The following ZDHHC9 variants were observed in gnomAD, a reference collection of about 807,000 sequenced individuals.
ZDHHC9 encodes the protein zDHHC palmitoyltransferase 9.
Under a neutral mutation model 26.6 loss-of-function variants are expected in ZDHHC9, and 3 were observed. The ratio of observed to expected loss-of-function variants is 0.11; its 90% CI spans 0.05 to 0.29. The LOEUF (loss-of-function observed/expected upper bound fraction) is 0.29, where lower values mean the gene tolerates loss of function less well. Among genes scored for constraint, ZDHHC9 ranks in the 10% least tolerant of loss-of-function variants. The pLI, the probability that ZDHHC9 is intolerant of heterozygous loss-of-function variation, is 1.00. For synonymous variants in ZDHHC9, 111 were observed against 109.4 expected, an observed-to-expected ratio of 1.01 and a Z score of -0.09; for missense variants, 146 against 296.4, an observed-to-expected ratio of 0.49 and a Z score of 3.73.
At chrX:129,823,986 C>T in intron 4 of ZDHHC9, 149 bp from the exon 5 acceptor site, 1 of 513,852 alleles carries the variant, frequency 1.9e-6, no homozygotes, top group Non-Finnish European at 3.4e-6. Flanking sequence ...ACAGAATATG[C>T]CCATAAAACT....
intron 8 of ZDHHC9, 133 bp downstream of exon 8, chrX:129,812,585 C>A: frequency 1.8e-6 from 1 of 569,657 alleles, no homozygotes; most frequent in Non-Finnish European, 3.1e-6. Context: ...TCTGACTTAA[C>A]AACCTCGCAT....
At chrX:129,825,977 T>C (rs1298133778) in intron 4 of ZDHHC9, among the ~76,000 whole-genome samples, 3 of 112,091 alleles carry the variant, frequency 2.7e-5, no homozygotes, top group African/African-American at 9.7e-5. Flanking sequence ...ACAGACCGTA[T>C]GAATTTGCAT....
Position 129,842,100 on chromosome X carries a change from G to GAAAAAAAAA in ZDHHC9, c.-135-29_-135-21dup. The GAAAAAAAAA allele has an allele frequency of 3.2e-6, 2 of 619,222 alleles. No homozygotes were observed. Among genetic ancestry groups the GAAAAAAAAA allele is most frequent in the Non-Finnish European group, 4.9e-6 (2 of 404,632 alleles). The allele number at this position is 619,222 out of a possible 1,213,427, so 51.0% of individuals were successfully genotyped here. On this transcript the variant is annotated intron_variant, in intron 2 of 10. Coordinates refer to ENST00000357166, the MANE Select transcript of ZDHHC9 (RefSeq NM_016032.4). The stretch of plus-strand genomic sequence containing the variant: ...CTAGCCCTAAGAAAAAGCAGAAAAA[G>GAAAAAAAAA]AAAAAAAAATGAGGCAATAATAAGA...
At chrX:129,811,549 T>A in intron 8 of ZDHHC9, 40 bp from the exon 9 acceptor site, 1 of 948,908 alleles carries the variant, frequency 1.1e-6, no homozygotes, top group Non-Finnish European at 1.5e-6. Flanking sequence ...AAAATAATGT[T>A]AAAATGAACA....
chrX:129,821,639 G>A (rs1046329923), intron 5 of ZDHHC9, among the ~76,000 whole-genome samples: 12 of 108,364 alleles, frequency 1.1e-4, no homozygotes, highest in Admixed American at 5.9e-4. Flanking sequence ...AATGGGTTTC[G>A]ACAGCCGGGT....
intron 5 of ZDHHC9, among the ~76,000 whole-genome samples, chrX:129,817,470 G>A (rs1316099230): frequency 2.7e-5 from 3 of 110,506 alleles, no homozygotes; most frequent in Non-Finnish European, 5.7e-5. Context: ...AATCTATTAT[G>A]GTAAAATATA....
intron 3 of ZDHHC9, among the ~76,000 whole-genome samples, chrX:129,832,784 A>AAAATAAAT (rs58029912): frequency 0.059 from 5,948 of 100,161 alleles, 508 homozygotes; most frequent in East Asian, 0.37. Context: ...CTCCGTCTCA[A>AAAATAAAT]AAATAAATAA....
At chrX:129,806,581 C>T (rs2124096389) in intron 10 of ZDHHC9, 95 bp from the exon 11 acceptor site, 2 of 707,602 alleles carry the variant, frequency 2.8e-6, no homozygotes, top group Non-Finnish European at 2.2e-6. Flanking sequence ...TCTCAGCCCC[C>T]TGATCACACT....
At chrX:129,835,878 A>C (rs997668718) in intron 3 of ZDHHC9, among the ~76,000 whole-genome samples, 1 of 112,904 alleles carries the variant, frequency 8.9e-6, no homozygotes, top group Non-Finnish European at 1.9e-5. Context: ...CTCAAGGAAC[A>C]TACTTCATCA....
At chrX:129,837,200 G>A (rs1428871167) in intron 3 of ZDHHC9, among the ~76,000 whole-genome samples, 2 of 111,735 alleles carry the variant, frequency 1.8e-5, no homozygotes, top group Non-Finnish European at 3.8e-5. Context: ...CATCTAGAAT[G>A]TTTTAATTCA....
intron 5 of ZDHHC9, 151 bp downstream of exon 5, chrX:129,823,528 A>G: frequency 1.6e-6 from 1 of 615,262 alleles, no homozygotes; most frequent in South Asian, 2.7e-5. Context: ...GCAGTTTTTC[A>G]GGAGCTTGTT....
At chrX:129,810,221 C>T (rs780758048) in intron 10 of ZDHHC9, among the ~76,000 whole-genome samples, 42 of 103,259 alleles carry the variant, frequency 4.1e-4, no homozygotes, top group Non-Finnish European at 7.9e-4. Flanking sequence ...TGGTGGCGGG[C>T]GCCTGTAATC....
intron 10 of ZDHHC9, 22 bp from the exon 11 acceptor site, chrX:129,806,508 A>T (rs767257871): frequency 1.7e-6 from 2 of 1,160,395 alleles, no homozygotes; most frequent in African/African-American, 3.6e-5. Flanking sequence ...AAGATATGAG[A>T]TTCAACACAA....
chrX:129,835,601 G>A (rs1460293211), intron 3 of ZDHHC9, among the ~76,000 whole-genome samples: 1 of 110,955 alleles, frequency 9.0e-6, no homozygotes, highest in Admixed American at 9.6e-5. Context: ...TGGCCAACAC[G>A]GAGAAACTCT....
At chrX:129,840,617 C>G (rs1397914002) in intron 3 of ZDHHC9, among the ~76,000 whole-genome samples, 1 of 111,336 alleles carries the variant, frequency 9.0e-6, no homozygotes, top group Non-Finnish European at 1.9e-5. Flanking sequence ...GCGGCAGCAG[C>G]AAAAGGACCT....
intron 3 of ZDHHC9, 55 bp from the exon 4 acceptor site, chrX:129,829,196 AAT>A: frequency 8.6e-7 from 1 of 1,159,521 alleles, no homozygotes. Context: ...ATTGATCTCC[AAT>A]TGTTACCAGT....
intron 4 of ZDHHC9, among the ~76,000 whole-genome samples, chrX:129,825,369 C>T (rs190344312): frequency 2.7e-5 from 3 of 111,717 alleles, no homozygotes; most frequent in East Asian, 5.6e-4. Context: ...TATTTTTTGG[C>T]GTATTTCCTT....
At chrX:129,815,718 G>A (rs1455668105) in intron 5 of ZDHHC9, among the ~76,000 whole-genome samples, 3 of 110,836 alleles carry the variant, frequency 2.7e-5, no homozygotes, top group African/African-American at 9.8e-5. Flanking sequence ...AAAATATTTT[G>A]TGTATGTTAA....
At chrX:129,817,358 G>T (rs894387956) in intron 5 of ZDHHC9, among the ~76,000 whole-genome samples, 1 of 110,144 alleles carries the variant, frequency 9.1e-6, no homozygotes, top group East Asian at 2.9e-4. Flanking sequence ...AGGCTGAGGT[G>T]GGGGGATCAC....
Sources: allele counts gnomAD v4.1 joint callset (sites outside exome capture counted in the v4.1 genomes callset), GRCh38; gene constraint gnomAD v4.1.1; transcripts MANE v1.5; gene names NCBI Gene and HGNC (gene_info 2026-07-23, HGNC 2026-07-21).